Variants in ARV1 observed in about 807,000 individuals in gnomAD.
ARV1 encodes protein ARV1.
Under a neutral mutation model 31.1 loss-of-function variants are expected in ARV1, and 26 were observed. The observed-to-expected ratio is 0.84, with a 90% CI of 0.61 to 1.16. ARV1 has a LOEUF of 1.16. Ranked by LOEUF, ARV1 falls within the 50% of genes most tolerant of loss-of-function variation. ARV1 has a pLI of 0.00. For synonymous variants in ARV1, 117 were observed against 123.2 expected (o/e 0.95, Z 0.34); for missense variants, 281 against 324.9 (o/e 0.86, Z 1.04).
chr1:230,993,644 C>T (rs1223846493), intron 3 of ARV1, among the ~76,000 whole-genome samples: 2 of 152,236 alleles, frequency 1.3e-5, no homozygotes, highest in East Asian at 3.9e-4. Context: ...CCTGTAATCC[C>T]AGCACTTTGG....
chr1:230,990,413 TA>T, intron 3 of ARV1, 150 bp downstream of exon 3: 2 of 1,014,012 alleles, frequency 2.0e-6, no homozygotes, highest in Non-Finnish European at 2.9e-6. Context: ...ACTACTAACC[TA>T]CGAGGTGAGT....
chr1:230,998,193 A>G (rs1182245358), intron 5 of ARV1, among the ~76,000 whole-genome samples: 1 of 152,172 alleles, frequency 6.6e-6, no homozygotes, highest in Non-Finnish European at 1.5e-5. Context: ...TGTGTTAGGA[A>G]GCAGGACCTT....
chr1:230,996,566 C>T (rs1176548938), intron 4 of ARV1, among the ~76,000 whole-genome samples: 1 of 152,082 alleles, frequency 6.6e-6, no homozygotes, highest in Admixed American at 6.6e-5. Flanking sequence ...CCCAACTCAG[C>T]CTCCTGAAAA....
At chr1:230,984,471 C>G (rs1395966742) in intron 1 of ARV1, among the ~76,000 whole-genome samples, 1 of 149,940 alleles carries the variant, frequency 6.7e-6, no homozygotes, top group Non-Finnish European at 1.5e-5. Context: ...AAGGGAAAAG[C>G]AAATAATAGA....
At chr1:230,981,989 T>G (rs2103042073) in intron 1 of ARV1, among the ~76,000 whole-genome samples, 1 of 152,316 alleles carries the variant, frequency 6.6e-6, no homozygotes, top group East Asian at 1.9e-4. Flanking sequence ...ATGATATGCT[T>G]CCCAGCTTTA....
chr1:230,984,722 G>C (rs191964960), intron 1 of ARV1, among the ~76,000 whole-genome samples: 2,245 of 101,836 alleles, frequency 0.022, no homozygotes, highest in Non-Finnish European at 0.029. Flanking sequence ...GAAGCAAAAT[G>C]GTTACAGAGA....
intron 1 of ARV1, among the ~76,000 whole-genome samples, chr1:230,981,756 G>T (rs894806425): frequency 2.0e-5 from 3 of 152,092 alleles, no homozygotes; most frequent in Non-Finnish European, 4.4e-5. Context: ...CTGAATCCCT[G>T]AACTGGCTTA....
chr1:230,991,605 T>C (rs1679228157), intron 3 of ARV1, among the ~76,000 whole-genome samples: 2 of 151,896 alleles, frequency 1.3e-5, no homozygotes, highest in African/African-American at 2.4e-5. Context: ...GGAAATCCCA[T>C]TGGCTCCACC....
intron 1 of ARV1, among the ~76,000 whole-genome samples, chr1:230,984,109 G>T (rs928466995): frequency 1.3e-5 from 2 of 152,122 alleles, no homozygotes; most frequent in Non-Finnish European, 2.9e-5. Flanking sequence ...AATCAGCTGG[G>T]CATGGTGGCA....
rs1404050811 is a variant in ARV1, at chr1:230,984,354, G to GTA, written c.175-3965_175-3964insAT. ...ACATTTGTTTGTTTCGTGTGTGTGT[G>GTA]TGTGTGTGCGTGTGTGTGTGTGTGT... On this transcript the variant is annotated intron_variant, in intron 1 of 5. Transcript: ENST00000310256. 2.4e-4 allele frequency among the ~76,000 whole-genome samples: 16 copies of GTA among 66,518 alleles called. No homozygotes were observed. The South Asian group carries it at 9.3e-3, about 39-fold the overall frequency. 43.6% of individuals were successfully genotyped at this position (66,518 alleles called of 152,430 possible). A position where few individuals can be genotyped will look rare whatever the true frequency, so the allele number is the denominator to read the frequency against.
intron 2 of ARV1, among the ~76,000 whole-genome samples, chr1:230,989,752 T>G (rs975552253): frequency 5.9e-5 from 9 of 152,140 alleles, no homozygotes; most frequent in African/African-American, 1.9e-4. Flanking sequence ...AGGACAGAAA[T>G]CAAAAATGTA....
At chr1:230,980,596 A>C (rs560471100) in intron 1 of ARV1, among the ~76,000 whole-genome samples, 9 of 152,252 alleles carry the variant, frequency 5.9e-5, no homozygotes, top group African/African-American at 2.2e-4. Context: ...GGCCTCCCAA[A>C]GTGCTGGGGT....
chr1:230,979,172 C>T lies in ARV1; in HGVS notation c.67C>T (p.Pro23Ser). Residue 23 changes from proline to serine, a missense_variant, in exon 1 of 6, where the codon CCT becomes TCT. Coordinates refer to ENST00000310256, the MANE Select transcript of ARV1 (RefSeq NM_022786.3). ...GAACGTGGATGGGGTGGCAGCGACT[C>T]CTACTGCTGCCTCGGCCTCCTGCCA... ...KGNVDGVAAT[P>S]TAASASCQYR... The T allele has an allele frequency of 1.9e-6, 3 of 1,613,144 alleles. No homozygotes were observed. Among genetic ancestry groups the T allele is most frequent in the South Asian group, 2.2e-5 (2 of 90,950 alleles).
chr1:230,992,719 T>G (rs1679261186), intron 3 of ARV1, among the ~76,000 whole-genome samples: 1 of 152,236 alleles, frequency 6.6e-6, no homozygotes. Context: ...ATTCATTCAC[T>G]ATTCATTATT....
At chr1:230,996,761 C>T in intron 4 of ARV1, among the ~76,000 whole-genome samples, 1 of 152,242 alleles carries the variant, frequency 6.6e-6, no homozygotes, top group South Asian at 2.1e-4. Flanking sequence ...GAACTTATTA[C>T]CTGATACTTT....
intron 5 of ARV1, among the ~76,000 whole-genome samples, chr1:230,998,318 AC>A (rs1679428822): frequency 6.6e-6 from 1 of 152,158 alleles, no homozygotes; most frequent in African/African-American, 2.4e-5. Flanking sequence ...CCTCGCTGTT[AC>A]ATCCTCCTTG....
intron 3 of ARV1, among the ~76,000 whole-genome samples, chr1:230,994,039 A>G (rs1345383282): frequency 6.6e-6 from 1 of 152,238 alleles, no homozygotes; most frequent in Non-Finnish European, 1.5e-5. Flanking sequence ...ACATAGATGC[A>G]TAGATTTTCC....
rs115578324 is a variant in ARV1, at chr1:230,980,126, G to T, written c.174+847G>T. Among the ~76,000 whole-genome samples, 423 of 152,154 alleles carry T rather than the reference G, an allele frequency of 2.8e-3. 1 individual carries two copies. The highest frequency in any genetic ancestry group is 4.7e-3 in the Non-Finnish European group (317 of 68,006). ...CTGTATAATCTGCCAACCACATAACGTTCTGATGCATACAACCTCAATTTC... is the reference window on the plus strand; with the variant it reads ...CTGTATAATCTGCCAACCACATAACTTTCTGATGCATACAACCTCAATTTC... On this transcript the variant is annotated intron_variant, in intron 1 of 5. Transcript: ENST00000310256.
intron 1 of ARV1, among the ~76,000 whole-genome samples, chr1:230,985,395 G>C (rs1169775277): frequency 6.6e-6 from 1 of 152,174 alleles, no homozygotes; most frequent in Non-Finnish European, 1.5e-5. Context: ...CTTCTAAACT[G>C]TTAGATCCTT....
Sources: gnomAD v4.1 joint callset for allele counts (sites outside exome capture counted in the v4.1 genomes callset) on GRCh38, gnomAD v4.1.1 for gene constraint, MANE v1.5 for transcripts, NCBI Gene and HGNC (gene_info 2026-07-23, HGNC 2026-07-21) for gene names.